Variants in ERFL observed in about 807,000 individuals in gnomAD.
The protein encoded by ERFL is ETS repressor factor like.
Under a neutral mutation model 27.9 loss-of-function variants are expected in ERFL, and 8 were observed. That is an observed-to-expected ratio of 0.29 (90% CI 0.17 to 0.52). The LOEUF (loss-of-function observed/expected upper bound fraction) is 0.52. Among genes scored for constraint, ERFL ranks in the 20% least tolerant of loss-of-function variants. The probability of loss-of-function intolerance (pLI) is 0.97; values close to 1 mark genes in which losing one functional copy is unlikely to be tolerated. For missense variants in ERFL, 294 were observed against 444.4 expected (o/e 0.66, Z 3.04); for synonymous variants, 174 against 202.8 (o/e 0.86, Z 1.21).
chr19:41,913,133 T>A (rs1232561735), intron 1 of ERFL, among the ~76,000 whole-genome samples: 1 of 151,230 alleles, frequency 6.6e-6, no homozygotes, highest in African/African-American at 2.4e-5. Flanking sequence ...GAGACCCCGT[T>A]CCTTCCCTCC....
rs1282885132 is a variant in ERFL at position 41,910,885 on chromosome 19, CAAG to C, written c.68-791_68-789del. 2.0e-5 allele frequency among the ~76,000 whole-genome samples: 3 copies of C among 152,296 alleles called. No homozygotes were observed. Among genetic ancestry groups the C allele is most frequent in the African/African-American group, 7.2e-5 (3 of 41,560 alleles). On this transcript the variant is annotated intron_variant, in intron 2 of 5. Transcript: ENST00000597630. This position sits in a 1 kb window ranked among gnomAD's most constrained non-coding sequence, Gnocchi z 4.4. ...TGGCAGACACAGGCTGCGCAAGACT[CAAG>C]GTCACGTCATCTCAACAACCCCACA... is the stretch of plus-strand genomic sequence containing the variant.
At chr19:41,914,169 C>T (rs1461376743) in intron 1 of ERFL, among the ~76,000 whole-genome samples, 1 of 151,194 alleles carries the variant, frequency 6.6e-6, no homozygotes, top group Non-Finnish European at 1.5e-5. Context: ...TCAGATGCCC[C>T]CACCTCCCAT....
Position 41,909,212 on chromosome 19 carries a change from A to C in ERFL, c.499-35T>G. On this transcript the variant is annotated intron_variant, in intron 4 of 5. Coordinates refer to ENST00000597630, the MANE Select transcript of ERFL (RefSeq NM_001365103.2). This position sits in a 1 kb window ranked among gnomAD's most constrained non-coding sequence, Gnocchi z 5.2. The stretch of plus-strand genomic sequence containing the variant: ...GAGTGGGAGAAGCCGCCCTTCTCAG[A>C]CTGTCCCCTCCCCAGAGTGGGCACC... 8.1e-7 allele frequency: 1 copy of C among 1,230,776 alleles called. No individual in the cohort carries two copies. Among genetic ancestry groups the C allele is most frequent in the Non-Finnish European group, 1.0e-6 (1 of 987,386 alleles). 76.2% of individuals were successfully genotyped at this position (1,230,776 alleles called of 1,614,324 possible). A position where few individuals can be genotyped will look rare whatever the true frequency, so the allele number is the denominator to read the frequency against.
intron 1 of ERFL, among the ~76,000 whole-genome samples, chr19:41,915,862 G>T (rs996066199): frequency 6.6e-6 from 1 of 152,194 alleles, no homozygotes; most frequent in African/African-American, 2.4e-5. Flanking sequence ...GGGCCTGGCA[G>T]GACGGCCGGA....
chr19:41,918,806 C>T (rs1425552684), intron 1 of ERFL, among the ~76,000 whole-genome samples: 1 of 150,892 alleles, frequency 6.6e-6, no homozygotes, highest in Non-Finnish European at 1.5e-5. Context: ...ACCATACACA[C>T]ACACCACATC....
intron 1 of ERFL, among the ~76,000 whole-genome samples, chr19:41,913,478 G>T (rs2145887080): frequency 6.7e-6 from 1 of 149,432 alleles, no homozygotes; most frequent in Non-Finnish European, 1.5e-5. Flanking sequence ...CAGCCCAGGC[G>T]CAGCCCTGAC....
Position 41,909,449 on chromosome 19 carries a change from G to A in ERFL, c.325C>T (p.Leu109Phe). 8.1e-7 allele frequency: 1 copy of A among 1,239,424 alleles called. No individual in the cohort carries two copies. The highest frequency in any genetic ancestry group is 1.0e-6 in the Non-Finnish European group (1 of 991,576). 76.8% of individuals were successfully genotyped at this position (1,239,424 alleles called of 1,614,324 possible). A position where few individuals can be genotyped will look rare whatever the true frequency, so the allele number is the denominator to read the frequency against. ...AACCTCTTCCCTTTGGTCTTGTGGA[G>A]AATCCGCTTGTTGTAGTAGTAACTG... Reference protein sequence around the residue: ...ALRYYYNKRILHKTKGKRFTY... With the variant: ...ALRYYYNKRIFHKTKGKRFTY... Residue 109 changes from leucine (L) to phenylalanine (F), a missense_variant, in exon 4 of 6, where the codon CTC becomes TTC. Physicochemically the swap from Leu to Phe is conservative, Grantham distance 22. This residue lies in a region of ERFL where 246 missense variants were observed against 371.4 expected (regional missense o/e 0.66). Transcript: ENST00000597630. The surrounding 1 kb of genome is among the most constrained non-coding windows in gnomAD (Gnocchi z 5.2).
chr19:41,918,658 A>C (rs2074818717), intron 1 of ERFL, among the ~76,000 whole-genome samples: 1 of 146,530 alleles, frequency 6.8e-6, no homozygotes, highest in African/African-American at 2.6e-5. Context: ...CACAGTACAT[A>C]CACTACCCAT....
At chr19:41,918,384 C>T (rs960547856) in intron 1 of ERFL, among the ~76,000 whole-genome samples, 4 of 149,802 alleles carry the variant, frequency 2.7e-5, no homozygotes, top group Admixed American at 2.0e-4. Context: ...ACCACACATA[C>T]ACCACATACA....
intron 1 of ERFL, among the ~76,000 whole-genome samples, chr19:41,914,261 G>A (rs934698590): frequency 1.3e-5 from 2 of 148,762 alleles, no homozygotes; most frequent in Admixed American, 1.3e-4. Context: ...GCCCCGTCTC[G>A]GTATCTCTCC....
chr19:41,912,987 A>G, intron 1 of ERFL, 55 bp from the exon 2 acceptor site: 2 of 827,876 alleles, frequency 2.4e-6, no homozygotes, highest in Non-Finnish European at 3.2e-6. Context: ...AGACAGACAC[A>G]GGTCAGCCAG....
intron 1 of ERFL, among the ~76,000 whole-genome samples, chr19:41,914,466 TTCTCCATCTGTC>T (rs1335861884): frequency 6.6e-6 from 1 of 151,698 alleles, no homozygotes; most frequent in Admixed American, 6.6e-5. Flanking sequence ...CCCCTGCTTC[TTCTCCATCTGTC>T]TCTCCATCTT....
chr19:41,926,854 G>A (rs973169295), intron 1 of ERFL, among the ~76,000 whole-genome samples: 12 of 152,120 alleles, frequency 7.9e-5, no homozygotes, highest in African/African-American at 2.7e-4. Context: ...TTAGGTCCCC[G>A]GCTTAATCTG....
rs1393160489 is a variant in ERFL, at chr19:41,910,814, G to A, written c.68-717C>T. 6.6e-6 allele frequency among the ~76,000 whole-genome samples: 1 copy of A among 152,090 alleles called. No individual in the cohort carries two copies. The highest frequency in any genetic ancestry group is 1.5e-5 in the Non-Finnish European group (1 of 68,020). On this transcript the variant is annotated intron_variant, in intron 2 of 5. Coordinates refer to ENST00000597630, the MANE Select transcript of ERFL (RefSeq NM_001365103.2). This position sits in a 1 kb window ranked among gnomAD's most constrained non-coding sequence, Gnocchi z 4.4. ...GACACACAGCCACACTGGGACACAG[G>A]CACACCGGAGTGCCACACTCATGCT...
rs1447107843 is a variant in ERFL, at chr19:41,921,848, G to A, written c.-14+6192C>T. ...GGAGGTTGGTGTCCCCTGGGAGTCCGACCCATCCCAGCTTCAAAGCCCACC... is the reference window on the plus strand; with the variant it reads ...GGAGGTTGGTGTCCCCTGGGAGTCCAACCCATCCCAGCTTCAAAGCCCACC... On this transcript the variant is annotated intron_variant, in intron 1 of 5. Transcript: ENST00000597630. This position sits in a 1 kb window ranked among gnomAD's most constrained non-coding sequence, Gnocchi z 4.4. 9.9e-5 allele frequency among the ~76,000 whole-genome samples: 15 copies of A among 151,668 alleles called. No homozygotes were observed. The highest frequency in any genetic ancestry group is 2.6e-4 in the Admixed American group (4 of 15,232).
chr19:41,918,952 A>T (rs1050697084), intron 1 of ERFL, among the ~76,000 whole-genome samples: 1 of 146,062 alleles, frequency 6.8e-6, no homozygotes, highest in African/African-American at 2.6e-5. Flanking sequence ...CTCACCATAC[A>T]CACATGCACA....
intron 1 of ERFL, among the ~76,000 whole-genome samples, chr19:41,918,679 CCA>C (rs782291568): frequency 5.0e-4 from 74 of 149,380 alleles, no homozygotes; most frequent in Admixed American, 2.7e-3. Context: ...CACAGACACA[CCA>C]CACACACCAC....
intron 1 of ERFL, among the ~76,000 whole-genome samples, chr19:41,915,239 G>T (rs782082031): frequency 6.8e-6 from 1 of 147,738 alleles, no homozygotes; most frequent in African/African-American, 2.5e-5. Context: ...ACGAGGAGCC[G>T]TGGGATCGGC....
rs72480767 is a variant in ERFL, at chr19:41,919,943, G to A, written c.-13-7011C>T. Among the ~76,000 whole-genome samples, 214 of 138,900 alleles carry A rather than the reference G, an allele frequency of 1.5e-3. 3 individuals carry two copies. In the East Asian group the frequency reaches 0.039, roughly 25 times the overall value. The allele number at this position is 138,900 out of a possible 152,430, so 91.1% of individuals were successfully genotyped here. A position where few individuals can be genotyped will look rare whatever the true frequency, so the allele number is the denominator to read the frequency against. ...CATGACACGCTCACAGACATGATAC[G>A]CCCAGACGTGACGAACTCACAGACA... On this transcript the variant is annotated intron_variant, in intron 1 of 5. Coordinates refer to ENST00000597630, the MANE Select transcript of ERFL (RefSeq NM_001365103.2).
Sources: allele counts gnomAD v4.1 joint callset (sites outside exome capture counted in the v4.1 genomes callset), GRCh38; gene constraint gnomAD v4.1.1; regional missense constraint gnomAD v4.1.1; non-coding constraint Gnocchi (gnomAD v3.1); transcripts MANE v1.5; gene names NCBI Gene and HGNC (gene_info 2026-07-23, HGNC 2026-07-21).